DOK5: variants seen among roughly 807,000 people sequenced by gnomAD.
DOK5 encodes docking protein 5.
In DOK5, 27 loss-of-function variants were observed where a neutral mutation model predicts 43.3. The ratio of observed to expected loss-of-function variants is 0.62; its 90% confidence interval spans 0.46 to 0.86. DOK5 has a LOEUF of 0.86. DOK5 is among the 40% of genes least tolerant of loss of function. The pLI is 0.00. For synonymous variants in DOK5, 146 were observed against 140.1 expected, an observed-to-expected ratio of 1.04 and a Z score of -0.30; for missense variants, 373 against 392.9, an observed-to-expected ratio of 0.95 and a Z score of 0.43.
chr20:54,620,203 TATATAATAAAGC>T (rs1986936299), intron 6 of DOK5, among the ~76,000 whole-genome samples: 1 of 152,210 alleles, frequency 6.6e-6, no homozygotes, highest in African/African-American at 2.4e-5. Flanking sequence ...TTATGGAGAA[TATATAATAAAGC>T]ATAATTTGTT....
chr20:54,622,022 C>G (rs1036702413), intron 6 of DOK5, among the ~76,000 whole-genome samples: 3 of 151,838 alleles, frequency 2.0e-5, no homozygotes, highest in Non-Finnish European at 4.4e-5. Context: ...GCTGAAACCC[C>G]GTCTCTACTA....
intron 1 of DOK5, among the ~76,000 whole-genome samples, chr20:54,500,133 A>G (rs1416366810): frequency 1.3e-5 from 2 of 152,234 alleles, no homozygotes; most frequent in Non-Finnish European, 1.5e-5. Context: ...AGTGGATTTT[A>G]AGGAAACTAA....
At chr20:54,619,369 T>C (rs1399757182) in intron 6 of DOK5, among the ~76,000 whole-genome samples, 3 of 152,098 alleles carry the variant, frequency 2.0e-5, no homozygotes, top group African/African-American at 7.2e-5. Flanking sequence ...TGAGCAGCTA[T>C]AGCTATTTTT....
chr20:54,541,244 A>C (rs1984149309), intron 1 of DOK5, among the ~76,000 whole-genome samples: 2 of 151,698 alleles, frequency 1.3e-5, no homozygotes, highest in African/African-American at 4.8e-5. Flanking sequence ...CTTCTCCTCC[A>C]CTTTCATCGT....
chr20:54,573,942 T>C (rs1600711288), intron 2 of DOK5, among the ~76,000 whole-genome samples: 2 of 152,228 alleles, frequency 1.3e-5, no homozygotes, highest in African/African-American at 4.8e-5. Flanking sequence ...GAAGAACACA[T>C]GCAGTTGGAA....
intron 7 of DOK5, among the ~76,000 whole-genome samples, chr20:54,648,471 G>A (rs1979545039): frequency 6.6e-6 from 1 of 152,212 alleles, no homozygotes; most frequent in Admixed American, 6.5e-5. Context: ...AGATGGGGTA[G>A]TCAGTGGAAG....
intron 2 of DOK5, among the ~76,000 whole-genome samples, chr20:54,576,942 A>T (rs6023368): frequency 0.064 from 9,781 of 152,282 alleles, 905 homozygotes; most frequent in African/African-American, 0.21. Context: ...ATTTTCAGAA[A>T]TATTCTTTAA....
intron 1 of DOK5, among the ~76,000 whole-genome samples, chr20:54,537,841 T>TC (rs938454777): frequency 2.1e-5 from 3 of 142,406 alleles, no homozygotes; most frequent in Admixed American, 7.0e-5. Flanking sequence ...CTTTTTTTTT[T>TC]TTTTTTTTTT....
At chr20:54,542,099 TACAC>T (rs59020714) in intron 1 of DOK5, among the ~76,000 whole-genome samples, 5,951 of 121,910 alleles carry the variant, frequency 0.049, 180 homozygotes, top group African/African-American at 0.11. Flanking sequence ...TATTATAAGA[TACAC>T]ACACACACAC....
intron 1 of DOK5, among the ~76,000 whole-genome samples, chr20:54,480,991 C>CT (rs1555822341): frequency 0.018 from 2,549 of 142,960 alleles, 45 homozygotes; most frequent in South Asian, 0.025. Flanking sequence ...TATCATCTAT[C>CT]ATCTATCTAT....
intron 5 of DOK5, among the ~76,000 whole-genome samples, chr20:54,610,027 C>A (rs999837030): frequency 6.6e-6 from 1 of 152,162 alleles, no homozygotes; most frequent in South Asian, 2.1e-4. Context: ...ACAGACTGTA[C>A]AAAGGAATAC....
At chr20:54,635,132 T>C (rs1470232776) in intron 6 of DOK5, among the ~76,000 whole-genome samples, 5 of 152,154 alleles carry the variant, frequency 3.3e-5, no homozygotes, top group Non-Finnish European at 7.4e-5. Flanking sequence ...AGCATTAACA[T>C]TAAAACAGAG....
intron 1 of DOK5, among the ~76,000 whole-genome samples, chr20:54,520,324 T>G (rs897122805): frequency 6.6e-6 from 1 of 152,194 alleles, no homozygotes; most frequent in African/African-American, 2.4e-5. Context: ...CTGGATATAG[T>G]GATTGATACC....
At chr20:54,565,849 T>A (rs1985075478) in intron 2 of DOK5, among the ~76,000 whole-genome samples, 1 of 152,012 alleles carries the variant, frequency 6.6e-6, no homozygotes, top group South Asian at 2.1e-4. Flanking sequence ...ACCATGTCTC[T>A]ACTAAAAAAT....
chr20:54,629,668 A>C (rs1001155628), intron 6 of DOK5, among the ~76,000 whole-genome samples: 21 of 152,248 alleles, frequency 1.4e-4, no homozygotes, highest in African/African-American at 4.8e-4. Flanking sequence ...AGTTTACTAC[A>C]TTGCTGTGGG....
intron 5 of DOK5, among the ~76,000 whole-genome samples, chr20:54,604,479 T>C (rs772437239): frequency 6.6e-6 from 1 of 152,078 alleles, no homozygotes. Context: ...AACCATGATA[T>C]TATTCTCAAA....
chr20:54,477,908 G>A (rs1377220214), intron 1 of DOK5, among the ~76,000 whole-genome samples: 1 of 152,164 alleles, frequency 6.6e-6, no homozygotes, highest in Non-Finnish European at 1.5e-5. Flanking sequence ...TATTACAATT[G>A]ACACAACATA....
At chr20:54,534,261 A>C (rs535004791) in intron 1 of DOK5, among the ~76,000 whole-genome samples, 2 of 152,290 alleles carry the variant, frequency 1.3e-5, no homozygotes, top group Admixed American at 6.5e-5. Context: ...ATCATGGCTC[A>C]CTGCAGCCTT....
At chr20:54,534,186 CT>C (rs1257231268) in intron 1 of DOK5, among the ~76,000 whole-genome samples, 1 of 152,110 alleles carries the variant, frequency 6.6e-6, no homozygotes, top group Non-Finnish European at 1.5e-5. Flanking sequence ...GATTTCAAAT[CT>C]TTTTTGCTTC....
Sources: gnomAD v4.1 joint callset for allele counts (sites outside exome capture counted in the v4.1 genomes callset) on GRCh38, gnomAD v4.1.1 for gene constraint, MANE v1.5 for transcripts, NCBI Gene and HGNC (gene_info 2026-07-23, HGNC 2026-07-21) for gene names.